The following RIMBP2 variants were observed in gnomAD, a reference collection of about 807,000 sequenced individuals.
The protein encoded by RIMBP2 is RIMS-binding protein 2.
Under a neutral mutation model 118.6 loss-of-function variants are expected in RIMBP2, and 48 were observed. The observed-to-expected ratio is 0.40, with a 90% CI of 0.32 to 0.51. RIMBP2 has a LOEUF of 0.51. RIMBP2 is among the 20% of genes least tolerant of loss of function. The probability of loss-of-function intolerance (pLI) is 0.41; values close to 1 mark genes in which losing one functional copy is unlikely to be tolerated. For synonymous variants in RIMBP2, 762 were observed against 742.9 expected (o/e 1.03, Z -0.42); for missense variants, 1,551 against 1,768.3 (o/e 0.88, Z 2.20).
intron 2 of RIMBP2, among the ~76,000 whole-genome samples, chr12:130,561,158 T>G (rs1401242492): frequency 6.6e-6 from 1 of 152,120 alleles, no homozygotes; most frequent in Non-Finnish European, 1.5e-5. Flanking sequence ...AGGGGCTCCC[T>G]CACACCCCTT....
chr12:130,712,198 G>A (rs903089628), intron 1 of RIMBP2, among the ~76,000 whole-genome samples: 3 of 152,162 alleles, frequency 2.0e-5, no homozygotes, highest in Admixed American at 6.6e-5. Context: ...TTTAGACTAC[G>A]CTAAATTTAT....
chr12:130,591,687 C>T (rs1176959316), intron 2 of RIMBP2, among the ~76,000 whole-genome samples: 4 of 152,158 alleles, frequency 2.6e-5, no homozygotes. Flanking sequence ...TAGAAGGGCC[C>T]TTTTCTTTGG....
chr12:130,399,872 C>T, intron 21 of RIMBP2, 59 bp from the exon 22 acceptor site: 1 of 1,588,664 alleles, frequency 6.3e-7, no homozygotes, highest in African/African-American at 1.3e-5. Flanking sequence ...CCACATCTTG[C>T]TTTGGCTAAA....
chr12:130,538,772 C>T (rs917931671), intron 2 of RIMBP2, among the ~76,000 whole-genome samples: 1 of 152,202 alleles, frequency 6.6e-6, no homozygotes, highest in Non-Finnish European at 1.5e-5. Context: ...ACCGACTTCA[C>T]ATGCTCTCCC....
intron 13 of RIMBP2, among the ~76,000 whole-genome samples, chr12:130,436,532 G>T (rs539455899): frequency 6.6e-6 from 1 of 152,168 alleles, no homozygotes. Context: ...AACTTCCACC[G>T]GGCAACTCTC....
At chr12:130,668,223 C>T (rs953411397) in intron 1 of RIMBP2, 1 of 152,314 alleles carries the variant, frequency 6.6e-6, no homozygotes, top group Non-Finnish European at 1.5e-5. Context: ...AAGTTCAAAG[C>T]GAAGGTGACG....
At position 130,525,305 on chromosome 12, in the gene RIMBP2, G is replaced by A. The variant is rs748631131; in HGVS notation, c.-216-7388C>T. The stretch of plus-strand genomic sequence containing the variant: ...GCCAAGCAGCATTGCGGGCATCTCC[G>A]TGACCTCCAGGAGAGGCTCTGGTGA... On this transcript the variant is annotated intron_variant, in intron 2 of 22. Transcript: ENST00000690449. This position sits in a 1 kb window ranked among gnomAD's most constrained non-coding sequence, Gnocchi z 4.4. Among the ~76,000 whole-genome samples the A allele has an allele frequency of 3.3e-5, 5 of 152,326 alleles. No homozygotes were observed. The highest frequency in any genetic ancestry group is 9.6e-5 in the African/African-American group (4 of 41,580).
At position 130,424,698 on chromosome 12, in the gene RIMBP2, C is replaced by T. The variant is rs2076661694; in HGVS notation, c.2573G>A (p.Arg858Lys). ...CTCTCTGGCCAGCCCCGTCCTGGCC[C>T]TGGGGGACGGCCCTGCACCCTGCTT... ...LHKQGAGPSP[R>K]ARTGLAREPR... Residue 858 changes from arginine to lysine, a missense_variant, in exon 16 of 23, where the codon AGG becomes AAG. Physicochemically the swap from Arg to Lys is conservative, Grantham distance 26 (BLOSUM62 2). Transcript: ENST00000690449. This position sits in a 1 kb window ranked among gnomAD's most constrained non-coding sequence, Gnocchi z 9.8. 8 of 1,231,992 alleles carry T rather than the reference C, an allele frequency of 6.5e-6. No individual in the cohort carries two copies. The highest frequency in any genetic ancestry group is 7.1e-6 in the Non-Finnish European group (7 of 987,990). The allele number at this position is 1,231,992 out of a possible 1,614,324, so 76.3% of individuals were successfully genotyped here. A position where few individuals can be genotyped will look rare whatever the true frequency, so the allele number is the denominator to read the frequency against.
chr12:130,528,625 A>G (rs755315632), intron 2 of RIMBP2, among the ~76,000 whole-genome samples: 27 of 152,238 alleles, frequency 1.8e-4, no homozygotes, highest in Admixed American at 3.9e-4. Flanking sequence ...AATGTCTCTC[A>G]ATAATTGTAC....
intron 15 of RIMBP2, chr12:130,425,112 G>A (rs903827098): frequency 1.1e-4 from 40 of 361,390 alleles, no homozygotes; most frequent in Middle Eastern, 1.4e-3. Context: ...AGGAGCCAGC[G>A]CCATGCATCC....
At chr12:130,539,519 C>G (rs932862118) in intron 2 of RIMBP2, among the ~76,000 whole-genome samples, 2 of 151,524 alleles carry the variant, frequency 1.3e-5, no homozygotes, top group Admixed American at 6.6e-5. Context: ...GAGAGGGCAT[C>G]ATGGCAAATG....
At chr12:130,575,138 G>T (rs1240404691) in intron 2 of RIMBP2, among the ~76,000 whole-genome samples, 1 of 26,612 alleles carries the variant, frequency 3.8e-5, no homozygotes, top group Non-Finnish European at 6.4e-5. Context: ...ACCCCCAGAC[G>T]CCCTGTGCCA....
Position 130,559,398 on chromosome 12 carries a change from T to C in RIMBP2, c.-216-41481A>G, listed in dbSNP as rs115343274. ...GTTCGACTTTTTTGGATTTCGCCTA[T>C]GAGTAGATCACGTGCCGTTTGTCTT... is the stretch of plus-strand genomic sequence containing the variant. On this transcript the variant is annotated intron_variant, in intron 2 of 22. Transcript: ENST00000690449. Among the ~76,000 whole-genome samples the C allele has an allele frequency of 3.3e-3, 503 of 152,278 alleles. 4 individuals are homozygous for C. Among genetic ancestry groups the C allele is most frequent in the African/African-American group, 0.012 (481 of 41,552 alleles).
intron 1 of RIMBP2, among the ~76,000 whole-genome samples, chr12:130,694,077 C>T (rs1023511058): frequency 1.3e-5 from 2 of 152,202 alleles, no homozygotes; most frequent in Non-Finnish European, 2.9e-5. Flanking sequence ...CACTGCGTAA[C>T]TGAGCATAAT....
chr12:130,608,770 T>TAC (rs2060336164), intron 2 of RIMBP2, among the ~76,000 whole-genome samples: 1 of 152,216 alleles, frequency 6.6e-6, no homozygotes, highest in Admixed American at 6.5e-5. Context: ...GCAAGTACAT[T>TAC]ACCTCATAGT....
At chr12:130,571,416 A>ATTT (rs1555294909) in intron 2 of RIMBP2, among the ~76,000 whole-genome samples, 3 of 104,298 alleles carry the variant, frequency 2.9e-5, no homozygotes, top group African/African-American at 6.4e-5. Context: ...CCATAGTAAC[A>ATTT]TTTTTTTTTT....
At chr12:130,583,851 C>G (rs1036262908) in intron 2 of RIMBP2, among the ~76,000 whole-genome samples, 3 of 145,314 alleles carry the variant, frequency 2.1e-5, no homozygotes, top group Non-Finnish European at 3.0e-5. Context: ...CCATTACCAC[C>G]ATTACACCAT....
At chr12:130,454,245 T>C (rs115370273) in intron 7 of RIMBP2, among the ~76,000 whole-genome samples, 4,041 of 152,324 alleles carry the variant, frequency 0.027, 160 homozygotes, top group African/African-American at 0.091. Context: ...TCAAGTTGTA[T>C]ACCTTAAATA....
chr12:130,675,979 A>G (rs1029330898), intron 1 of RIMBP2, among the ~76,000 whole-genome samples: 3 of 152,218 alleles, frequency 2.0e-5, no homozygotes, highest in African/African-American at 7.2e-5. Context: ...TCACGATGGC[A>G]TTAGCGCGCC....
Sources: gnomAD v4.1 joint callset for allele counts (sites outside exome capture counted in the v4.1 genomes callset) on GRCh38, gnomAD v4.1.1 for gene constraint, Gnocchi (gnomAD v3.1) non-coding constraint, MANE v1.5 for transcripts, NCBI Gene and HGNC (gene_info 2026-07-23, HGNC 2026-07-21) for gene names.